Variants in CAMK1D observed in about 807,000 individuals in gnomAD.
The protein encoded by CAMK1D is calcium/calmodulin-dependent protein kinase type 1D.
Under a neutral mutation model 47.7 loss-of-function variants are expected in CAMK1D, and 9 were observed. The observed-to-expected ratio is 0.19, with a 90% confidence interval of 0.11 to 0.33. The LOEUF (loss-of-function observed/expected upper bound fraction) is 0.33, where lower values mean the gene tolerates loss of function less well. Among genes scored for constraint, CAMK1D ranks in the 10% least tolerant of loss-of-function variants. The pLI is 1.00. For missense variants in CAMK1D, 291 were observed against 488.7 expected (o/e 0.60, Z 3.81); for synonymous variants, 184 against 184.9 (o/e 0.99, Z 0.04).
chr10:12,611,376 C>T (rs1192489577), intron 2 of CAMK1D, among the ~76,000 whole-genome samples: 2 of 152,108 alleles, frequency 1.3e-5, no homozygotes, highest in Non-Finnish European at 2.9e-5. Context: ...GTTCCCGCTC[C>T]TGCAGCTCCT....
intron 2 of CAMK1D, among the ~76,000 whole-genome samples, chr10:12,601,652 C>T (rs1009921334): frequency 2.0e-5 from 3 of 152,110 alleles, no homozygotes; most frequent in Non-Finnish European, 4.4e-5. Flanking sequence ...TTAGTAGAGA[C>T]GGGGTTTCAC....
intron 4 of CAMK1D, among the ~76,000 whole-genome samples, chr10:12,763,733 G>T (rs1334787323): frequency 6.6e-6 from 1 of 152,218 alleles, no homozygotes; most frequent in African/African-American, 2.4e-5. Flanking sequence ...TAACATTAAC[G>T]TTACCAGAAG....
At chr10:12,682,827 ACT>A (rs1832496375) in intron 3 of CAMK1D, among the ~76,000 whole-genome samples, 1 of 152,044 alleles carries the variant, frequency 6.6e-6, no homozygotes, top group Non-Finnish European at 1.5e-5. Context: ...TCTGATATTT[ACT>A]TAGTCAACAC....
chr10:12,673,938 C>CT (rs1372551926), intron 3 of CAMK1D, among the ~76,000 whole-genome samples: 1 of 151,920 alleles, frequency 6.6e-6, no homozygotes, highest in Non-Finnish European at 1.5e-5. Context: ...ATCTGTTTTT[C>CT]TTTTTTTATT....
intron 1 of CAMK1D, among the ~76,000 whole-genome samples, chr10:12,486,861 C>G (rs2132110866): frequency 6.6e-6 from 1 of 152,168 alleles, no homozygotes. Flanking sequence ...TCACTTGAGC[C>G]CAGGAGTTTG....
At chr10:12,480,444 A>T (rs562116788) in intron 1 of CAMK1D, among the ~76,000 whole-genome samples, 1 of 148,094 alleles carries the variant, frequency 6.8e-6, no homozygotes, top group Admixed American at 6.7e-5. Context: ...CAAAAACAAA[A>T]AACAAAAAAC....
intron 2 of CAMK1D, among the ~76,000 whole-genome samples, chr10:12,620,489 G>T (rs760090453): frequency 6.6e-6 from 1 of 152,210 alleles, no homozygotes; most frequent in Non-Finnish European, 1.5e-5. Flanking sequence ...TGTCTTATTG[G>T]AATATTAATT....
At chr10:12,792,924 T>C (rs1349575349) in intron 6 of CAMK1D, among the ~76,000 whole-genome samples, 2 of 151,728 alleles carry the variant, frequency 1.3e-5, no homozygotes, top group African/African-American at 2.4e-5. Flanking sequence ...ATGAAGGTCA[T>C]GGATCCTATC....
At chr10:12,728,205 T>G (rs1474729884) in intron 3 of CAMK1D, among the ~76,000 whole-genome samples, 1 of 152,240 alleles carries the variant, frequency 6.6e-6, no homozygotes, top group African/African-American at 2.4e-5. Flanking sequence ...TGCATTGCCC[T>G]TCTTAGTAAA....
intron 1 of CAMK1D, among the ~76,000 whole-genome samples, chr10:12,372,647 C>T (rs909609984): frequency 6.6e-6 from 1 of 152,178 alleles, no homozygotes; most frequent in African/African-American, 2.4e-5. Context: ...GAGACAGGGT[C>T]TCACTCTGTC....
intron 1 of CAMK1D, among the ~76,000 whole-genome samples, chr10:12,503,778 G>A (rs1473392980): frequency 1.3e-5 from 2 of 152,192 alleles, no homozygotes; most frequent in Non-Finnish European, 2.9e-5. Flanking sequence ...GCTCCTGCAG[G>A]ATAGTGTATA....
chr10:12,425,816 C>T (rs1426617428), intron 1 of CAMK1D, among the ~76,000 whole-genome samples: 1 of 152,162 alleles, frequency 6.6e-6, no homozygotes, highest in Non-Finnish European at 1.5e-5. Flanking sequence ...TGGGATTCCT[C>T]CCAAATAAGA....
At chr10:12,398,954 C>G (rs563991496) in intron 1 of CAMK1D, among the ~76,000 whole-genome samples, 2 of 152,136 alleles carry the variant, frequency 1.3e-5, no homozygotes, top group Admixed American at 6.5e-5. Context: ...TCATAGCAGT[C>G]CCTCAGTGAG....
At chr10:12,583,519 A>T (rs565676982) in intron 2 of CAMK1D, among the ~76,000 whole-genome samples, 2 of 150,656 alleles carry the variant, frequency 1.3e-5, no homozygotes, top group African/African-American at 2.4e-5. Context: ...TTTCTGCCAC[A>T]CTCTGTGCTT....
At chr10:12,556,842 A>T (rs1019457889) in intron 2 of CAMK1D, among the ~76,000 whole-genome samples, 3 of 152,058 alleles carry the variant, frequency 2.0e-5, no homozygotes, top group Admixed American at 6.5e-5. Context: ...CCAGGACTCT[A>T]TGTATGTAGG....
intron 6 of CAMK1D, among the ~76,000 whole-genome samples, chr10:12,806,410 C>G (rs1421947608): frequency 1.3e-5 from 2 of 152,192 alleles, no homozygotes; most frequent in Non-Finnish European, 2.9e-5. Context: ...GCTGTAGATG[C>G]AGGTCACACC....
At chr10:12,388,208 G>T (rs569635727) in intron 1 of CAMK1D, among the ~76,000 whole-genome samples, 1 of 152,292 alleles carries the variant, frequency 6.6e-6, no homozygotes, top group South Asian at 2.1e-4. Context: ...TGCGTTTTTA[G>T]TAGAGATGGG....
intron 2 of CAMK1D, among the ~76,000 whole-genome samples, chr10:12,565,791 A>G (rs1400362405): frequency 6.6e-6 from 1 of 152,100 alleles, no homozygotes; most frequent in Admixed American, 6.5e-5. Flanking sequence ...GTGGAGAGGA[A>G]GTTACCCAGG....
intron 4 of CAMK1D, 125 bp downstream of exon 4, chr10:12,761,211 G>T: frequency 8.6e-7 from 1 of 1,156,642 alleles, no homozygotes; most frequent in Non-Finnish European, 1.2e-6. Context: ...CAGATGGTGG[G>T]CATTTGTGTA....
Sources: gnomAD v4.1 joint callset for allele counts (sites outside exome capture counted in the v4.1 genomes callset) on GRCh38, gnomAD v4.1.1 for gene constraint, MANE v1.5 for transcripts, NCBI Gene and HGNC (gene_info 2026-07-23, HGNC 2026-07-21) for gene names.